Variants in LIMCH1 observed in about 807,000 individuals in gnomAD.
LIMCH1 encodes the protein LIM and calponin homology domains 1.
LIMCH1 carries 113 observed loss-of-function variants against 176.5 expected under a neutral mutation model. The observed-to-expected ratio is 0.64, with a 90% confidence interval of 0.55 to 0.75. The LOEUF is 0.75. Among genes scored for constraint, LIMCH1 ranks in the 30% least tolerant of loss-of-function variants. LIMCH1 has a pLI of 0.00. For missense variants in LIMCH1, 1,674 were observed against 1,814.9 expected, an observed-to-expected ratio of 0.92 and a Z score of 1.41; for synonymous variants, 619 against 645.9, an observed-to-expected ratio of 0.96 and a Z score of 0.63.
chr4:41,404,126 A>G lies in LIMCH1; in HGVS notation c.96+43190A>G, dbSNP rs113191927. Among the ~76,000 whole-genome samples the G allele has an allele frequency of 2.2e-3, 342 of 152,274 alleles. 1 individual carries two copies. Among genetic ancestry groups the G allele is most frequent in the African/African-American group, 7.3e-3 (305 of 41,560 alleles). On this transcript the variant is annotated intron_variant, in intron 1 of 26. Transcript: ENST00000313860. ...CCCCCAAATCTCGTTGGCTTGCACC[A>G]TAGACATTTTTTCTTGCTCATGCTA...
chr4:41,684,921 C>T (rs1719410617), intron 27 of LIMCH1, among the ~76,000 whole-genome samples: 1 of 152,092 alleles, frequency 6.6e-6, no homozygotes, highest in Non-Finnish European at 1.5e-5. Flanking sequence ...CCCATCGGTT[C>T]CCATTGCCAT....
intron 1 of LIMCH1, among the ~76,000 whole-genome samples, chr4:41,399,888 T>G (rs1242434435): frequency 6.8e-6 from 1 of 147,112 alleles, no homozygotes; most frequent in Non-Finnish European, 1.5e-5. Context: ...TTCACCATGT[T>G]GGCCAGGATG....
rs964086907 is a variant in LIMCH1 at position 41,588,109 on chromosome 4, T to C, written c.-240-10811T>C. Among the ~76,000 whole-genome samples, 21 of 148,556 alleles carry C rather than the reference T, an allele frequency of 1.4e-4. No homozygotes were observed. In the South Asian group the frequency reaches 3.5e-3, roughly 25 times the overall value. ...CTTCCCCCCACCCCACAACAGTCCCTAGAGTGTGATGTTCCCCTTCCTGTG... is the reference window on the plus strand; with the variant it reads ...CTTCCCCCCACCCCACAACAGTCCCCAGAGTGTGATGTTCCCCTTCCTGTG... On this transcript the variant is annotated intron_variant, in intron 1 of 31. Coordinates refer to ENST00000503057, the MANE Select transcript of LIMCH1 (RefSeq NM_001330672.2).
At chr4:41,600,877 C>G (rs950280783) in intron 2 of LIMCH1, among the ~76,000 whole-genome samples, 1 of 152,174 alleles carries the variant, frequency 6.6e-6, no homozygotes, top group Non-Finnish European at 1.5e-5. Context: ...CACGTGGATA[C>G]AGTCCCTTCT....
chr4:41,581,818 A>AAAAAAAAAAAAAAAAAAC (rs2085514456), intron 1 of LIMCH1, among the ~76,000 whole-genome samples: 1 of 150,930 alleles, frequency 6.6e-6, no homozygotes. Flanking sequence ...AAAAAAAAAA[A>AAAAAAAAAAAAAAAAAAC]AAAAAAAAAA....
intron 2 of LIMCH1, chr4:41,494,662 C>A: frequency 8.8e-7 from 1 of 1,132,688 alleles, no homozygotes; most frequent in Non-Finnish European, 1.3e-6. Context: ...TAATACTATC[C>A]AGTTTGGCTG....
chr4:41,408,454 A>G (rs2059185028), intron 1 of LIMCH1, among the ~76,000 whole-genome samples: 1 of 152,184 alleles, frequency 6.6e-6, no homozygotes. Flanking sequence ...CTACTATCCC[A>G]TTTTAGATGA....
Position 41,626,852 on chromosome 4 carries a change from CTT to C in LIMCH1, c.872_873del (p.Phe291CysfsTer51). On this transcript the variant is annotated frameshift_variant, in exon 8 of 32. Transcript: ENST00000503057. LOFTEE classifies it high-confidence loss of function. ...GACTGCCTGATCTTGAGAAGGATGA[CTT>C]TGCTGCAAGGAGAGCAAGGATGAAC... is the stretch of plus-strand genomic sequence containing the variant. ...CRLPDLEKDD[F>X]AARRARMNQT... is the part of the protein sequence containing the mutation. 1.3e-6 allele frequency: 2 copies of C among 1,536,144 alleles called. No individual in the cohort carries two copies. The highest frequency in any genetic ancestry group is 1.2e-5 in the South Asian group (1 of 84,062).
At position 41,491,012 on chromosome 4, in the gene LIMCH1, C is replaced by T. The variant is rs577859063; in HGVS notation, c.97-3524C>T. ...GGTGCTCCTCACTTCCCAGACGGGG[C>T]GGCTGGGCAGAGGTGCACCTCACTT... On this transcript the variant is annotated intron_variant, in intron 1 of 26. Coordinates refer to the LIMCH1 transcript ENST00000313860. 5.4e-3 allele frequency among the ~76,000 whole-genome samples: 745 copies of T among 139,172 alleles called. 2 individuals are homozygous for T. Among genetic ancestry groups the T allele is most frequent in the African/African-American group, 0.019 (682 of 36,474 alleles). The allele number at this position is 139,172 out of a possible 152,430, so 91.3% of individuals were successfully genotyped here. A position where few individuals can be genotyped will look rare whatever the true frequency, so the allele number is the denominator to read the frequency against.
At chr4:41,457,528 G>A (rs2064764887) in intron 1 of LIMCH1, among the ~76,000 whole-genome samples, 1 of 152,090 alleles carries the variant, frequency 6.6e-6, no homozygotes, top group East Asian at 1.9e-4. Flanking sequence ...TAGTACTGAA[G>A]CAAGTAGTTT....
rs1377816879 is a variant in LIMCH1, at chr4:41,631,319, A to G, written c.1443A>G (p.Lys481=). The stretch of plus-strand genomic sequence containing the variant: ...CAGTGACGGAGCTAGATCAGCAGAA[A>G]TGGAAGCGGCTTAGCATTGGCAAGG... The part of the protein sequence containing the change: ...FGPVTELDQQ[K]WKRLSIGKAG... Residue 481 remains lysine, a synonymous_variant, in exon 10 of 32, where the codon AAA becomes AAG. Transcript: ENST00000503057. 1 of 1,536,184 alleles carries G rather than the reference A, an allele frequency of 6.5e-7. No homozygotes were observed. The highest frequency in any genetic ancestry group is 2.4e-5 in the East Asian group (1 of 40,918).
At chr4:41,677,275 G>A (rs540139233) in intron 23 of LIMCH1, among the ~76,000 whole-genome samples, 25 of 152,132 alleles carry the variant, frequency 1.6e-4, no homozygotes, top group Non-Finnish European at 3.2e-4. Context: ...GCCGGGCGTG[G>A]TGTCACATGC....
Position 41,650,554 on chromosome 4 carries a change from C to T in LIMCH1, c.2982C>T (p.Asn994=), listed in dbSNP as rs141188279. The T allele has an allele frequency of 1.1e-4, 185 of 1,613,964 alleles. 1 individual carries two copies. Among genetic ancestry groups the T allele is most frequent in the South Asian group, 5.7e-4 (52 of 91,054 alleles). The part of the protein sequence containing the change: ...HGSPLELKQD[N]GSIEINIKKP... The stretch of plus-strand genomic sequence containing the variant: ...CTCCACTGGAGCTGAAACAAGACAA[C>T]GGTAGCATCGAGATCAACATAAAGA... Residue 994 remains asparagine (N), a synonymous_variant, in exon 18 of 32, where the codon AAC becomes AAT. Coordinates refer to ENST00000503057, the MANE Select transcript of LIMCH1 (RefSeq NM_001330672.2).
At chr4:41,674,450 C>T (rs972447170) in intron 22 of LIMCH1, among the ~76,000 whole-genome samples, 1 of 152,202 alleles carries the variant, frequency 6.6e-6, no homozygotes, top group Non-Finnish European at 1.5e-5. Context: ...GTGGAGCCAA[C>T]TTCCAACACC....
At chr4:41,636,617 C>A (rs1360041334) in intron 13 of LIMCH1, among the ~76,000 whole-genome samples, 3 of 152,072 alleles carry the variant, frequency 2.0e-5, no homozygotes, top group Non-Finnish European at 2.9e-5. Context: ...TTAATAAATA[C>A]TTATTGACTA....
chr4:41,369,939 A>AGTGTGT (rs113302113), intron 1 of LIMCH1, among the ~76,000 whole-genome samples: 5 of 138,214 alleles, frequency 3.6e-5, no homozygotes, highest in African/African-American at 1.1e-4. Flanking sequence ...CAGGAAGCAA[A>AGTGTGT]GTGTGTGTGT....
At chr4:41,370,366 A>T (rs2053775230) in intron 1 of LIMCH1, among the ~76,000 whole-genome samples, 1 of 151,674 alleles carries the variant, frequency 6.6e-6, no homozygotes, top group African/African-American at 2.4e-5. Context: ...ATGAGTTCTT[A>T]TTAGACAGGT....
chr4:41,495,309 A>G (rs1220436529), intron 2 of LIMCH1, among the ~76,000 whole-genome samples: 1 of 152,210 alleles, frequency 6.6e-6, no homozygotes, highest in Admixed American at 6.5e-5. Context: ...TTGAGGTGAA[A>G]TGTACATACA....
chr4:41,385,691 G>GGA (rs2056396709), intron 1 of LIMCH1: 1 of 152,210 alleles, frequency 6.6e-6, no homozygotes, highest in African/African-American at 2.4e-5. Flanking sequence ...GAGCAGTGCA[G>GGA]ATTGTGTCTC....
Sources: allele counts gnomAD v4.1 joint callset (sites outside exome capture counted in the v4.1 genomes callset), GRCh38; gene constraint gnomAD v4.1.1; transcripts MANE v1.5; gene names NCBI Gene and HGNC (gene_info 2026-07-23, HGNC 2026-07-21).